SNX29: variants seen among roughly 807,000 people sequenced by gnomAD.
SNX29 encodes the protein sorting nexin-29.
A neutral mutation model predicts 102.1 loss-of-function variants in SNX29; 78 were observed. The ratio of observed to expected loss-of-function variants is 0.76; its 90% confidence interval spans 0.64 to 0.92. The LOEUF (loss-of-function observed/expected upper bound fraction) is 0.92, where lower values mean the gene tolerates loss of function less well. Ranked by LOEUF, SNX29 falls within the 40% of genes least tolerant of loss-of-function variation. The pLI is 0.00. For missense variants in SNX29, 1,280 were observed against 1,061.7 expected, an observed-to-expected ratio of 1.21 and a Z score of -2.86; for synonymous variants, 580 against 414.5, an observed-to-expected ratio of 1.40 and a Z score of -4.85.
chr16:12,455,148 G>A (rs1297533114), intron 18 of SNX29, among the ~76,000 whole-genome samples: 1 of 152,188 alleles, frequency 6.6e-6, no homozygotes, highest in Non-Finnish European at 1.5e-5. Flanking sequence ...CCTGACAAAG[G>A]TTTCCTCCTC....
chr16:12,421,933 GTCCATCA>G (rs1328251270), intron 18 of SNX29, among the ~76,000 whole-genome samples: 4 of 62,728 alleles, frequency 6.4e-5, no homozygotes, highest in East Asian at 9.6e-4. Flanking sequence ...ATCATCATCC[GTCCATCA>G]TCCATCACCA....
intron 20 of SNX29, among the ~76,000 whole-genome samples, chr16:12,559,193 GTGGGTGAGCAGC>G: frequency 6.6e-6 from 1 of 152,152 alleles, no homozygotes; most frequent in African/African-American, 2.4e-5. Flanking sequence ...GGGCTACACA[GTGGGTGAGCAGC>G]GCTTCGTCTG....
intron 15 of SNX29, among the ~76,000 whole-genome samples, chr16:12,332,870 C>G (rs1048063875): frequency 2.6e-5 from 4 of 152,056 alleles, no homozygotes; most frequent in African/African-American, 9.7e-5. Context: ...TCCATGTGCC[C>G]TCGTCCTTCA....
rs985244848 is a variant in SNX29 at position 12,477,805 on chromosome 16, G to A, written c.2124G>A (p.Lys708=). The change falls in exon 19 of 21, where the codon AAG becomes AAA. Residue 708 remains lysine (K), a synonymous_variant. Coordinates refer to ENST00000566228, the MANE Select transcript of SNX29 (RefSeq NM_032167.5). ...GTTTGCACCACAAGTTACAAAACAA[G>A]TACCCTCAAGTGAGGGCCTACAACT... ...FRSLHHKLQN[K]YPQVRAYNFP... 13 of 1,613,318 alleles carry A rather than the reference G, an allele frequency of 8.1e-6. No individual in the cohort carries two copies. Among genetic ancestry groups the A allele is most frequent in the Non-Finnish European group, 1.1e-5 (13 of 1,179,712 alleles).
chr16:12,138,281 C>G (rs2054737853), intron 13 of SNX29, among the ~76,000 whole-genome samples: 1 of 148,362 alleles, frequency 6.7e-6, no homozygotes, highest in Non-Finnish European at 1.5e-5. Context: ...GATCTCGGCT[C>G]ACTGCAACCT....
chr16:12,459,253 A>C (rs2086673611), intron 18 of SNX29, among the ~76,000 whole-genome samples: 1 of 149,908 alleles, frequency 6.7e-6, no homozygotes, highest in Non-Finnish European at 1.5e-5. Flanking sequence ...GGGGCTCACC[A>C]GCAGCTCTGA....
Position 12,558,398 on chromosome 16 carries a change from G to C in SNX29, c.2319-10108G>C, listed in dbSNP as rs955361760. Among the ~76,000 whole-genome samples, 13 of 152,326 alleles carry C rather than the reference G, an allele frequency of 8.5e-5. No homozygotes were observed. The South Asian group carries it at 2.5e-3, about 29-fold the overall frequency. Reference sequence around the variant, plus strand: ...ATCGGAATTTTACATAGAGTGATATGTTAGCCTTGAAGTGGTGAAAGCTGA... The same window carrying C: ...ATCGGAATTTTACATAGAGTGATATCTTAGCCTTGAAGTGGTGAAAGCTGA... On this transcript the variant is annotated intron_variant, in intron 20 of 20. Coordinates refer to ENST00000566228, the MANE Select transcript of SNX29 (RefSeq NM_032167.5).
In SNX29 at chr16:12,052,055, G is replaced by C. The variant is rs775623606; in HGVS notation, c.957G>C (p.Gln319His). The stretch of plus-strand genomic sequence containing the variant: ...TCGGGCCTAACTCCAATGGAAGTCA[G>C]AGCAGCAACTCATGGAAAATTGATT... Reference protein sequence around the residue: ...SPFGPNSNGSQSSNSWKIDSL... With the variant: ...SPFGPNSNGSHSSNSWKIDSL... Residue 319 changes from glutamine (Q) to histidine (H), a missense_variant, in exon 8 of 21, where the codon CAG becomes CAC. Physicochemically the swap from Gln to His is conservative, Grantham distance 24. Transcript: ENST00000566228. The C allele has an allele frequency of 1.2e-6, 2 of 1,613,972 alleles. No homozygotes were observed. Among genetic ancestry groups the C allele is most frequent in the South Asian group, 2.2e-5 (2 of 91,072 alleles).
At chr16:12,237,219 T>G (rs529502286) in intron 14 of SNX29, among the ~76,000 whole-genome samples, 43 of 152,210 alleles carry the variant, frequency 2.8e-4, no homozygotes, top group African/African-American at 6.7e-4. Flanking sequence ...CCCACCAGCA[T>G]AAAACAGAAA....
In SNX29 at chr16:12,458,632, C is replaced by T. The variant is rs139543618; in HGVS notation, c.2038-19087C>T. ...CCCAGCCAACAATTCCCAGTCACGG[C>T]GAAGGATACAGGAAGGAGCTTTGAA... is the stretch of plus-strand genomic sequence containing the variant. On this transcript the variant is annotated intron_variant, in intron 18 of 20. Coordinates refer to ENST00000566228, the MANE Select transcript of SNX29 (RefSeq NM_032167.5). 2.9e-4 allele frequency among the ~76,000 whole-genome samples: 44 copies of T among 152,204 alleles called. 1 individual carries two copies. The East Asian group carries it at 7.0e-3, about 24-fold the overall frequency.
Position 12,485,146 on chromosome 16 carries a change from G to C in SNX29, c.2178+7287G>C, listed in dbSNP as rs571615719. On this transcript the variant is annotated intron_variant, in intron 19 of 20. Coordinates refer to ENST00000566228, the MANE Select transcript of SNX29 (RefSeq NM_032167.5). ...GTGACTCGGGAGGTTGTTCTCACCC[G>C]ACTTTTGGCTGAATATTTTTTGCAG... Among the ~76,000 whole-genome samples, 8 of 152,318 alleles carry C rather than the reference G, an allele frequency of 5.3e-5. 1 individual carries two copies. In the East Asian group the frequency reaches 1.5e-3, roughly 29 times the overall value.
At chr16:12,527,206 A>G in intron 20 of SNX29, 1 of 533,536 alleles carries the variant, frequency 1.9e-6, no homozygotes, top group Non-Finnish European at 3.6e-6. Context: ...GGATTGTTTC[A>G]TTTTGGGGTA....
At chr16:12,324,512 G>C (rs989178630) in intron 15 of SNX29, among the ~76,000 whole-genome samples, 3 of 151,966 alleles carry the variant, frequency 2.0e-5, no homozygotes, top group African/African-American at 7.3e-5. Context: ...GGGCTCAGGC[G>C]ATCCTCTGCC....
chr16:12,533,603 C>T (rs985749078), intron 20 of SNX29, among the ~76,000 whole-genome samples: 5 of 152,198 alleles, frequency 3.3e-5, no homozygotes, highest in East Asian at 1.9e-4. Flanking sequence ...AGGGAGGAGA[C>T]ACCCCGCTAC....
intron 13 of SNX29, among the ~76,000 whole-genome samples, chr16:12,145,673 G>A (rs765850374): frequency 6.6e-6 from 1 of 152,044 alleles, no homozygotes; most frequent in Non-Finnish European, 1.5e-5. Flanking sequence ...TATAATTCAG[G>A]TCATTCTGAA....
chr16:12,545,037 C>G (rs2077524425), intron 20 of SNX29, among the ~76,000 whole-genome samples: 1 of 152,138 alleles, frequency 6.6e-6, no homozygotes, highest in South Asian at 2.1e-4. Context: ...GTAGCCAGGT[C>G]TGTGATGCCC....
chr16:12,401,641 G>T (rs2083948768), intron 17 of SNX29, among the ~76,000 whole-genome samples: 2 of 152,112 alleles, frequency 1.3e-5, no homozygotes, highest in African/African-American at 2.4e-5. Flanking sequence ...TGGGATTACA[G>T]GTGTGAGCCC....
chr16:12,350,250 G>C (rs1346839537), intron 15 of SNX29, among the ~76,000 whole-genome samples: 3 of 152,140 alleles, frequency 2.0e-5, no homozygotes, highest in African/African-American at 7.2e-5. Flanking sequence ...ATACCGGGCG[G>C]GGAGAATGCA....
chr16:12,295,045 A>T (rs1195798312), intron 15 of SNX29, among the ~76,000 whole-genome samples: 1 of 152,188 alleles, frequency 6.6e-6, no homozygotes, highest in Non-Finnish European at 1.5e-5. Context: ...AAACCAACAC[A>T]TCTCGTGAGA....
Sources: gnomAD v4.1 joint callset for allele counts (sites outside exome capture counted in the v4.1 genomes callset) on GRCh38, gnomAD v4.1.1 for gene constraint, MANE v1.5 for transcripts, NCBI Gene and HGNC (gene_info 2026-07-23, HGNC 2026-07-21) for gene names.